MYO5A: variants seen among roughly 807,000 people sequenced by gnomAD.
The protein encoded by MYO5A is myosin VA, also known as unconventional myosin-Va.
Under a neutral mutation model 249.7 loss-of-function variants are expected in MYO5A, and 98 were observed. The observed-to-expected ratio is 0.39, with a 90% CI of 0.33 to 0.46. The LOEUF (loss-of-function observed/expected upper bound fraction) is 0.46, where lower values mean the gene tolerates loss of function less well. Among genes scored for constraint, MYO5A ranks in the 20% least tolerant of loss-of-function variants. MYO5A has a pLI of 0.98. For missense variants in MYO5A, 1,696 were observed against 2,308.8 expected (o/e 0.73, Z 5.44); for synonymous variants, 778 against 810.6 (o/e 0.96, Z 0.68).
chr15:52,325,390 G>C (rs958315722), intron 36 of MYO5A, among the ~76,000 whole-genome samples: 5 of 151,432 alleles, frequency 3.3e-5, no homozygotes, highest in African/African-American at 7.3e-5. Flanking sequence ...TGGGCTCTAG[G>C]CTTTGCTAAG....
At chr15:52,494,095 G>T (rs527762434) in intron 1 of MYO5A, among the ~76,000 whole-genome samples, 1 of 152,246 alleles carries the variant, frequency 6.6e-6, no homozygotes, top group East Asian at 1.9e-4. Context: ...GAGGACCAGA[G>T]CAAATCAGCA....
chr15:52,337,790 A>T lies in MYO5A; in HGVS notation c.4314+20T>A. The T allele has an allele frequency of 8.0e-6, 12 of 1,507,958 alleles. No homozygotes were observed. Among genetic ancestry groups the T allele is most frequent in the Non-Finnish European group, 1.1e-5 (12 of 1,112,328 alleles). The allele number at this position is 1,507,958 out of a possible 1,614,324, so 93.4% of individuals were successfully genotyped here. A position where few individuals can be genotyped will look rare whatever the true frequency, so the allele number is the denominator to read the frequency against. ...AAGTAGCAAGGGAAGACAGCAGAAAAGCACTATGGTTTTACATACAATCAT... is the reference window on the plus strand; with the variant it reads ...AAGTAGCAAGGGAAGACAGCAGAAATGCACTATGGTTTTACATACAATCAT... On this transcript the variant is annotated intron_variant, in intron 33 of 41. Coordinates refer to ENST00000399233, the MANE Select transcript of MYO5A (RefSeq NM_001382347.1).
At chr15:52,495,852 G>A (rs1041193257) in intron 1 of MYO5A, among the ~76,000 whole-genome samples, 1 of 152,040 alleles carries the variant, frequency 6.6e-6, no homozygotes, top group Non-Finnish European at 1.5e-5. Context: ...CTGTTATACA[G>A]TTTCCAAGTT....
At chr15:52,358,367 T>C (rs1437006359) in intron 25 of MYO5A, among the ~76,000 whole-genome samples, 1 of 152,208 alleles carries the variant, frequency 6.6e-6, no homozygotes, top group African/African-American at 2.4e-5. Flanking sequence ...AAAACCTTCC[T>C]ATCTACTGAA....
chr15:52,465,071 C>T (rs981842010), intron 1 of MYO5A, among the ~76,000 whole-genome samples: 2 of 152,126 alleles, frequency 1.3e-5, no homozygotes, highest in Non-Finnish European at 2.9e-5. Context: ...ATGATGAGCA[C>T]TAGAAGGGAG....
chr15:52,467,621 A>G lies in MYO5A; in HGVS notation c.28-34336T>C, dbSNP rs191540033. On this transcript the variant is annotated intron_variant, in intron 1 of 41. Transcript: ENST00000399233. ...CTATTTAAGGAAATAATTGATGAAAATTTCCCAAGTCAAGAAAGAGATTTA... is the reference window on the plus strand; with the variant it reads ...CTATTTAAGGAAATAATTGATGAAAGTTTCCCAAGTCAAGAAAGAGATTTA... Among the ~76,000 whole-genome samples the G allele has an allele frequency of 2.8e-3, 429 of 152,296 alleles. 3 individuals carry two copies. Among genetic ancestry groups the G allele is most frequent in the East Asian group, 5.4e-3 (28 of 5,194 alleles).
At chr15:52,455,646 G>C (rs1567142291) in intron 1 of MYO5A, among the ~76,000 whole-genome samples, 1 of 152,018 alleles carries the variant, frequency 6.6e-6, no homozygotes, top group Non-Finnish European at 1.5e-5. Context: ...GACATGCAAG[G>C]ATGGTTCAAC....
chr15:52,390,311 C>T (rs2042164134), intron 12 of MYO5A, among the ~76,000 whole-genome samples: 1 of 151,766 alleles, frequency 6.6e-6, no homozygotes, highest in Non-Finnish European at 1.5e-5. Context: ...GGATGGATAC[C>T]CAATTTTCCA....
intron 1 of MYO5A, among the ~76,000 whole-genome samples, chr15:52,528,537 C>T (rs558506164): frequency 3.3e-5 from 5 of 152,372 alleles, no homozygotes; most frequent in African/African-American, 1.2e-4. Context: ...GCTCGAGCAG[C>T]GCGGCAGGGG....
At position 52,313,280 on chromosome 15, in the gene MYO5A, G is replaced by T. The variant is rs938028658; in HGVS notation, c.*416C>A. The stretch of plus-strand genomic sequence containing the variant: ...TGGAGACTTTTCTTTCCATTCTCCT[G>T]TTTAGTGCAGAGGAGGTTCTTTGGT... On this transcript the variant is annotated 3_prime_UTR_variant, in exon 42 of 42. Coordinates refer to ENST00000399233, the MANE Select transcript of MYO5A (RefSeq NM_001382347.1). The T allele has an allele frequency of 4.5e-6, 1 of 221,634 alleles. No individual in the cohort carries two copies. Among genetic ancestry groups the T allele is most frequent in the Non-Finnish European group, 9.1e-6 (1 of 110,044 alleles). The allele number at this position is 221,634 out of a possible 1,614,324, so 13.7% of individuals were successfully genotyped here. A position where few individuals can be genotyped will look rare whatever the true frequency, so the allele number is the denominator to read the frequency against.
intron 1 of MYO5A, among the ~76,000 whole-genome samples, chr15:52,463,979 A>C (rs1307923544): frequency 6.6e-6 from 1 of 152,258 alleles, no homozygotes; most frequent in Admixed American, 6.5e-5. Context: ...ACATTTGAGA[A>C]CATGGGCTCT....
intron 34 of MYO5A, among the ~76,000 whole-genome samples, chr15:52,330,839 G>C (rs1163585007): frequency 6.6e-6 from 1 of 152,146 alleles, no homozygotes; most frequent in Non-Finnish European, 1.5e-5. Context: ...TTAATTAATT[G>C]ATACTAATCA....
intron 1 of MYO5A, among the ~76,000 whole-genome samples, chr15:52,450,539 C>T (rs1233678787): frequency 6.6e-6 from 1 of 151,668 alleles, no homozygotes; most frequent in Non-Finnish European, 1.5e-5. Context: ...CATGGTGGTG[C>T]ACGCCTGTAG....
At chr15:52,317,707 G>A (rs978755476) in intron 39 of MYO5A, among the ~76,000 whole-genome samples, 1 of 152,166 alleles carries the variant, frequency 6.6e-6, no homozygotes, top group South Asian at 2.1e-4. Flanking sequence ...AGCCTTAAGG[G>A]AAGAGCCTAG....
intron 34 of MYO5A, among the ~76,000 whole-genome samples, chr15:52,331,186 T>C (rs1372918593): frequency 6.6e-6 from 1 of 152,108 alleles, no homozygotes; most frequent in African/African-American, 2.4e-5. Context: ...TTCCTAAATG[T>C]TATTATTTTT....
intron 1 of MYO5A, among the ~76,000 whole-genome samples, chr15:52,471,858 G>A (rs887980264): frequency 9.9e-5 from 15 of 151,806 alleles, no homozygotes; most frequent in Admixed American, 7.2e-4. Flanking sequence ...ACCACCATGC[G>A]TGGCGAATTT....
chr15:52,445,598 GAAGA>G (rs1567133570), intron 1 of MYO5A, among the ~76,000 whole-genome samples: 1 of 152,200 alleles, frequency 6.6e-6, no homozygotes, highest in African/African-American at 2.4e-5. Context: ...AAGACAGGAA[GAAGA>G]AAGAAAGTTT....
chr15:52,372,797 C>T (rs557708356), intron 20 of MYO5A, among the ~76,000 whole-genome samples: 2 of 152,258 alleles, frequency 1.3e-5, no homozygotes, highest in African/African-American at 4.8e-5. Flanking sequence ...ATCCTGTAAA[C>T]TATGTGCTAC....
intron 1 of MYO5A, among the ~76,000 whole-genome samples, chr15:52,487,467 T>C (rs1317943782): frequency 2.0e-5 from 3 of 151,870 alleles, no homozygotes; most frequent in Non-Finnish European, 4.4e-5. Context: ...CTCACAACTA[T>C]AATCGCAACA....
Sources: allele counts gnomAD v4.1 joint callset (sites outside exome capture counted in the v4.1 genomes callset), GRCh38; gene constraint gnomAD v4.1.1; transcripts MANE v1.5; gene names NCBI Gene and HGNC (gene_info 2026-07-23, HGNC 2026-07-21).